FAM107B: variants seen among roughly 807,000 people sequenced by gnomAD.
FAM107B encodes the protein protein FAM107B.
In FAM107B, 21 loss-of-function variants were observed where a neutral mutation model predicts 31.5. The ratio of observed to expected loss-of-function variants is 0.67; its 90% CI spans 0.47 to 0.96. The LOEUF (loss-of-function observed/expected upper bound fraction) is 0.96. FAM107B is among the 40% of genes least tolerant of loss of function. FAM107B has a pLI of 0.00. For synonymous variants in FAM107B, 157 were observed against 141.5 expected (o/e 1.11, Z -0.78); for missense variants, 452 against 377.1 (o/e 1.20, Z -1.64).
chr10:14,531,396 T>C (rs887153393), intron 2 of FAM107B, among the ~76,000 whole-genome samples: 6 of 151,964 alleles, frequency 3.9e-5, no homozygotes, highest in African/African-American at 1.2e-4. Context: ...GGTACATGCC[T>C]ATAGTCTCAG....
chr10:14,574,405 T>C (rs570199728), intron 2 of FAM107B, among the ~76,000 whole-genome samples: 3 of 152,204 alleles, frequency 2.0e-5, no homozygotes, highest in Non-Finnish European at 4.4e-5. Flanking sequence ...TGCAAACCAG[T>C]ACAAATGTGC....
chr10:14,638,283 G>GC (rs1554843143), intron 2 of FAM107B, among the ~76,000 whole-genome samples: 1 of 146,194 alleles, frequency 6.8e-6, no homozygotes, highest in African/African-American at 2.5e-5. Context: ...GCCTGCTAAG[G>GC]TTTTTTTTTT....
At chr10:14,651,857 G>A (rs1210684559) in intron 2 of FAM107B, among the ~76,000 whole-genome samples, 1 of 152,160 alleles carries the variant, frequency 6.6e-6, no homozygotes, top group Non-Finnish European at 1.5e-5. Context: ...TTGGGTGTAA[G>A]AGAATAATAA....
chr10:14,743,565 T>C (rs1832665504), intron 1 of FAM107B, among the ~76,000 whole-genome samples: 1 of 152,248 alleles, frequency 6.6e-6, no homozygotes, highest in African/African-American at 2.4e-5. Flanking sequence ...TTCAATTTTC[T>C]GCATATGGCT....
At chr10:14,584,920 A>T (rs1399773688) in intron 2 of FAM107B, among the ~76,000 whole-genome samples, 1 of 152,188 alleles carries the variant, frequency 6.6e-6, no homozygotes, top group African/African-American at 2.4e-5. Context: ...TCAGCCTGTA[A>T]TTGGTTGCTT....
At chr10:14,769,690 T>C (rs888253243) in intron 1 of FAM107B, among the ~76,000 whole-genome samples, 1 of 152,088 alleles carries the variant, frequency 6.6e-6, no homozygotes, top group Non-Finnish European at 1.5e-5. Context: ...CCGGCCACAA[T>C]TGGCTCTTTA....
intron 2 of FAM107B, chr10:14,548,398 T>A: frequency 1.0e-6 from 1 of 985,032 alleles, no homozygotes; most frequent in Non-Finnish European, 1.2e-6. Flanking sequence ...TGTGCCCTTG[T>A]ACACAGGTCT....
intron 2 of FAM107B, among the ~76,000 whole-genome samples, chr10:14,569,442 G>A (rs1197220666): frequency 2.6e-5 from 4 of 151,804 alleles, no homozygotes; most frequent in Non-Finnish European, 5.9e-5. Flanking sequence ...CATGTGTTAC[G>A]TTAAGATCAT....
At chr10:14,630,305 G>C (rs1284068548) in intron 2 of FAM107B, among the ~76,000 whole-genome samples, 1 of 132,896 alleles carries the variant, frequency 7.5e-6, no homozygotes, top group Non-Finnish European at 1.6e-5. Flanking sequence ...AATGGAAATA[G>C]AACTGCAGAA....
chr10:14,582,275 C>T (rs941249050), intron 2 of FAM107B, among the ~76,000 whole-genome samples: 14 of 152,080 alleles, frequency 9.2e-5, no homozygotes, highest in African/African-American at 2.9e-4. Context: ...GTGACCACAC[C>T]TCTGGGAGAT....
At chr10:14,633,813 AC>A (rs1853428515) in intron 2 of FAM107B, among the ~76,000 whole-genome samples, 1 of 152,366 alleles carries the variant, frequency 6.6e-6, no homozygotes, top group East Asian at 1.9e-4. Flanking sequence ...CACCTGGTTT[AC>A]AGAATTAATC....
chr10:14,631,837 G>A (rs1178401222), intron 2 of FAM107B, among the ~76,000 whole-genome samples: 2 of 152,130 alleles, frequency 1.3e-5, no homozygotes, highest in African/African-American at 4.8e-5. Flanking sequence ...GGAAATCTGT[G>A]ACCCTCTGTC....
Position 14,541,953 on chromosome 10 carries a change from C to T in FAM107B, c.470-11438G>A, listed in dbSNP as rs528674103. Among the ~76,000 whole-genome samples the T allele has an allele frequency of 3.7e-4, 56 of 152,148 alleles. No homozygotes were observed. In the South Asian group the frequency reaches 1.0e-2, roughly 27 times the overall value. ...GGGCTGTATGTCACACTGTGTGCAC[C>T]GTATTAAAACGTACTGAATGGGCCG... On this transcript the variant is annotated intron_variant, in intron 2 of 4. Coordinates refer to ENST00000181796, the MANE Select transcript of FAM107B (RefSeq NM_031453.4).
chr10:14,677,886 A>G (rs1854728648), intron 1 of FAM107B, among the ~76,000 whole-genome samples: 1 of 152,242 alleles, frequency 6.6e-6, no homozygotes, highest in Admixed American at 6.5e-5. Flanking sequence ...CTAAAGCATT[A>G]AAAAGCGGTG....
At chr10:14,591,584 T>A (rs569710744) in intron 2 of FAM107B, among the ~76,000 whole-genome samples, 1 of 152,296 alleles carries the variant, frequency 6.6e-6, no homozygotes, top group African/African-American at 2.4e-5. Flanking sequence ...AATGAAATAA[T>A]TAATTCAAAC....
intron 2 of FAM107B, among the ~76,000 whole-genome samples, chr10:14,612,872 G>A (rs1360748537): frequency 6.6e-6 from 1 of 152,150 alleles, no homozygotes. Flanking sequence ...AAACCATGAT[G>A]AGCAACTTTG....
chr10:14,620,800 A>G (rs1406976772), intron 2 of FAM107B, among the ~76,000 whole-genome samples: 1 of 152,202 alleles, frequency 6.6e-6, no homozygotes, highest in Non-Finnish European at 1.5e-5. Context: ...ATGTCTTAAT[A>G]TATAGTCTTC....
Position 14,520,454 on chromosome 10 carries a change from C to T in FAM107B, c.*736G>A, listed in dbSNP as rs780112949. The T allele has an allele frequency of 6.6e-6, 1 of 152,254 alleles. No individual in the cohort carries two copies. The highest frequency in any genetic ancestry group is 1.5e-5 in the Non-Finnish European group (1 of 68,070). The allele number at this position is 152,254 out of a possible 1,614,324, so 9.4% of individuals were successfully genotyped here. ...AAAAACAAAACTGAACAGAAACCCTCCTAGTAATCAAAGCAATTAATGAAT... is the reference window on the plus strand; with the variant it reads ...AAAAACAAAACTGAACAGAAACCCTTCTAGTAATCAAAGCAATTAATGAAT... On this transcript the variant is annotated 3_prime_UTR_variant, in exon 5 of 5. Transcript: ENST00000181796.
intron 1 of FAM107B, among the ~76,000 whole-genome samples, chr10:14,762,792 ACACACAC>A (rs1445034718): frequency 1.4e-4 from 21 of 148,960 alleles, no homozygotes; most frequent in African/African-American, 5.4e-4. Context: ...ACACACACAC[ACACACAC>A]ACAAAAAGAA....
Sources: allele counts gnomAD v4.1 joint callset (sites outside exome capture counted in the v4.1 genomes callset), GRCh38; gene constraint gnomAD v4.1.1; transcripts MANE v1.5; gene names NCBI Gene and HGNC (gene_info 2026-07-23, HGNC 2026-07-21).